The following TSHZ2 variants were observed in gnomAD, a reference collection of about 807,000 sequenced individuals.
TSHZ2 encodes teashirt zinc finger homeobox 2.
TSHZ2 carries 21 observed loss-of-function variants against 74.4 expected under a neutral mutation model. The ratio of observed to expected loss-of-function variants is 0.28; its 90% CI spans 0.20 to 0.41. The LOEUF is 0.41. Ranked by LOEUF, TSHZ2 falls within the 10% of genes least tolerant of loss-of-function variation. The pLI is 1.00. For synonymous variants in TSHZ2, 540 were observed against 515.3 expected (o/e 1.05, Z -0.65); for missense variants, 1,244 against 1,293.5 (o/e 0.96, Z 0.59).
chr20:53,326,233 G>A (rs1391632645), intron 2 of TSHZ2, among the ~76,000 whole-genome samples: 1 of 152,190 alleles, frequency 6.6e-6, no homozygotes, highest in Admixed American at 6.5e-5. Context: ...GAGGAACAAT[G>A]ACTTTTGTCG....
At chr20:53,420,911 G>T (rs1909351315) in intron 2 of TSHZ2, among the ~76,000 whole-genome samples, 1 of 152,146 alleles carries the variant, frequency 6.6e-6, no homozygotes, top group Non-Finnish European at 1.5e-5. Context: ...CTCAGCTCAG[G>T]CTCACTCACT....
chr20:53,469,292 C>T (rs943178115), intron 2 of TSHZ2, among the ~76,000 whole-genome samples: 2 of 151,292 alleles, frequency 1.3e-5, no homozygotes, highest in African/African-American at 4.9e-5. Context: ...ACCTGTAATC[C>T]CCACACTCTG....
At chr20:53,067,220 G>A (rs1985019523) in intron 1 of TSHZ2, among the ~76,000 whole-genome samples, 1 of 152,134 alleles carries the variant, frequency 6.6e-6, no homozygotes, top group Non-Finnish European at 1.5e-5. Context: ...ATTGAAACAA[G>A]TGATCCTCCC....
chr20:53,433,492 G>A (rs1055779673), intron 2 of TSHZ2, among the ~76,000 whole-genome samples: 1 of 151,954 alleles, frequency 6.6e-6, no homozygotes, highest in Non-Finnish European at 1.5e-5. Context: ...AGTGAGCTAT[G>A]TTCATGCCAC....
At chr20:53,290,436 A>G (rs1470485426) in intron 2 of TSHZ2, among the ~76,000 whole-genome samples, 1 of 152,132 alleles carries the variant, frequency 6.6e-6, no homozygotes, top group Non-Finnish European at 1.5e-5. Context: ...AAACATTTAT[A>G]CAATGTCTAC....
At chr20:53,167,033 T>C (rs190532825) in intron 1 of TSHZ2, among the ~76,000 whole-genome samples, 48 of 152,270 alleles carry the variant, frequency 3.2e-4, no homozygotes, top group African/African-American at 1.2e-3. Flanking sequence ...GGCTGAGTAG[T>C]CCCAGTCATG....
At chr20:53,479,956 G>C (rs1391461249) in intron 2 of TSHZ2, among the ~76,000 whole-genome samples, 1 of 152,186 alleles carries the variant, frequency 6.6e-6, no homozygotes, top group Admixed American at 6.5e-5. Context: ...AAATGGTACA[G>C]ACTGAGAGTA....
At chr20:53,204,410 G>GATATGATACTATATCATCATATAATATT (rs1568811265) in intron 1 of TSHZ2, among the ~76,000 whole-genome samples, 3 of 128,546 alleles carry the variant, frequency 2.3e-5, no homozygotes, top group African/African-American at 1.0e-4. Flanking sequence ...CATATAACAT[G>GATATGATACTATATCATCATATAATATT]ATGATATGAT....
At chr20:53,016,810 G>T (rs1302055097) in intron 1 of TSHZ2, among the ~76,000 whole-genome samples, 1 of 152,142 alleles carries the variant, frequency 6.6e-6, no homozygotes, top group Non-Finnish European at 1.5e-5. Flanking sequence ...GTTGAGGGTG[G>T]TGGGCTCCAC....
intron 1 of TSHZ2, among the ~76,000 whole-genome samples, chr20:52,993,284 A>G (rs1438566032): frequency 2.0e-5 from 3 of 152,228 alleles, no homozygotes; most frequent in Non-Finnish European, 4.4e-5. Context: ...CCCGGGCAAC[A>G]TAACATTCTA....
intron 1 of TSHZ2, among the ~76,000 whole-genome samples, chr20:53,196,063 C>T (rs554975395): frequency 3.9e-5 from 6 of 152,216 alleles, no homozygotes; most frequent in Non-Finnish European, 5.9e-5. Flanking sequence ...GGGCTTCTGT[C>T]GGGTCTCTGT....
At chr20:53,019,398 G>A (rs1983154375) in intron 1 of TSHZ2, among the ~76,000 whole-genome samples, 1 of 152,096 alleles carries the variant, frequency 6.6e-6, no homozygotes, top group African/African-American at 2.4e-5. Flanking sequence ...TTTCACTGTT[G>A]GGGCTTACCA....
intron 1 of TSHZ2, among the ~76,000 whole-genome samples, chr20:53,002,525 T>C (rs911751741): frequency 2.0e-5 from 3 of 152,146 alleles, no homozygotes; most frequent in African/African-American, 7.2e-5. Context: ...AACCACAGCC[T>C]CCATTCTCTG....
At chr20:53,390,327 T>G (rs1306753066) in intron 2 of TSHZ2, among the ~76,000 whole-genome samples, 4 of 152,184 alleles carry the variant, frequency 2.6e-5, no homozygotes, top group Non-Finnish European at 5.9e-5. Context: ...ATCCTTGATC[T>G]TGGATAATTT....
intron 2 of TSHZ2, among the ~76,000 whole-genome samples, chr20:53,263,730 G>T (rs1990651016): frequency 6.6e-6 from 1 of 152,178 alleles, no homozygotes; most frequent in Non-Finnish European, 1.5e-5. Flanking sequence ...CCTGTTTCTT[G>T]GTGTTCTTTG....
intron 1 of TSHZ2, among the ~76,000 whole-genome samples, chr20:53,200,211 C>T (rs1600737147): frequency 6.6e-6 from 1 of 152,190 alleles, no homozygotes; most frequent in East Asian, 1.9e-4. Context: ...TACACAGTCT[C>T]CTTGGGAACT....
At chr20:53,482,002 G>T (rs1383814630) in intron 2 of TSHZ2, among the ~76,000 whole-genome samples, 4 of 151,348 alleles carry the variant, frequency 2.6e-5, no homozygotes, top group Non-Finnish European at 2.9e-5. Flanking sequence ...TACTCGGGAG[G>T]CTGAGGCAGG....
chr20:53,156,606 G>C (rs1987801063), intron 1 of TSHZ2, among the ~76,000 whole-genome samples: 1 of 152,116 alleles, frequency 6.6e-6, no homozygotes, highest in African/African-American at 2.4e-5. Flanking sequence ...CAAATGTCAG[G>C]ACTAAAACCC....
intron 2 of TSHZ2, among the ~76,000 whole-genome samples, chr20:53,304,327 T>C (rs751311780): frequency 6.6e-6 from 1 of 151,792 alleles, no homozygotes; most frequent in Non-Finnish European, 1.5e-5. Context: ...TAATATTTAG[T>C]TTTAGAGCTC....
Sources: gnomAD v4.1 joint callset for allele counts (sites outside exome capture counted in the v4.1 genomes callset) on GRCh38, gnomAD v4.1.1 for gene constraint, MANE v1.5 for transcripts, NCBI Gene and HGNC (gene_info 2026-07-23, HGNC 2026-07-21) for gene names.